The following MAST4 variants were observed in gnomAD, a reference collection of about 807,000 sequenced individuals.
MAST4 encodes the protein microtubule associated serine/threonine kinase family member 4.
In MAST4, 89 loss-of-function variants were observed where a neutral mutation model predicts 162.7. That is an observed-to-expected ratio of 0.55 (90% CI 0.46 to 0.65). The LOEUF is 0.65. MAST4 is among the 30% of genes least tolerant of loss of function. The pLI is 0.00. For missense variants in MAST4, 3,153 were observed against 3,374.0 expected (o/e 0.93, Z 1.62); for synonymous variants, 1,479 against 1,361.1 (o/e 1.09, Z -1.91).
chr5:66,868,583 TGTG>T (rs996966904), intron 3 of MAST4, among the ~76,000 whole-genome samples: 12 of 151,824 alleles, frequency 7.9e-5, no homozygotes, highest in Admixed American at 6.6e-4. Context: ...GAGAAAAACT[TGTG>T]GTGAGCTGTT....
At chr5:66,775,597 A>C (rs1754562004) in intron 2 of MAST4, among the ~76,000 whole-genome samples, 1 of 152,202 alleles carries the variant, frequency 6.6e-6, no homozygotes, top group South Asian at 2.1e-4. Flanking sequence ...TTTGTGAAGC[A>C]ATTGGCGGTT....
intron 2 of MAST4, among the ~76,000 whole-genome samples, chr5:66,766,272 GTTTT>G (rs576558624): frequency 6.6e-6 from 1 of 151,840 alleles, no homozygotes; most frequent in African/African-American, 2.4e-5. Flanking sequence ...AGAGAGTTGT[GTTTT>G]TTTTCCCCCC....
At chr5:67,014,543 T>G (rs1338078499) in intron 4 of MAST4, among the ~76,000 whole-genome samples, 2 of 152,238 alleles carry the variant, frequency 1.3e-5, no homozygotes, top group Non-Finnish European at 2.9e-5. Context: ...AGTTGCCGTA[T>G]TTTTACTGTG....
At chr5:67,002,409 G>T (rs1310151359) in intron 4 of MAST4, among the ~76,000 whole-genome samples, 1 of 152,180 alleles carries the variant, frequency 6.6e-6, no homozygotes, top group African/African-American at 2.4e-5. Context: ...AAACTGAGGA[G>T]CTGTCAGGTT....
chr5:66,663,083 C>G (rs5025303), intron 1 of MAST4: 42,751 of 152,132 alleles, frequency 0.28, 6,156 homozygotes, highest in African/African-American at 0.31. Flanking sequence ...TCAGGTGATC[C>G]ACCCGCCTTG....
intron 1 of MAST4, among the ~76,000 whole-genome samples, chr5:66,726,744 C>G (rs919753609): frequency 6.6e-6 from 1 of 152,066 alleles, no homozygotes; most frequent in Non-Finnish European, 1.5e-5. Flanking sequence ...TGCCTCCTGT[C>G]AGATCAGTGG....
intron 3 of MAST4, among the ~76,000 whole-genome samples, chr5:66,896,046 C>T (rs13188536): frequency 0.012 from 1,791 of 152,262 alleles, 29 homozygotes; most frequent in South Asian, 0.053. Flanking sequence ...CCACTAATGT[C>T]CTTTTTCTGA....
intron 1 of MAST4, among the ~76,000 whole-genome samples, chr5:66,606,009 C>G (rs780069293): frequency 7.2e-5 from 11 of 152,268 alleles, no homozygotes; most frequent in African/African-American, 2.4e-4. Context: ...AATTTTGTAA[C>G]CTGCTAAAAT....
chr5:67,090,558 C>G (rs900780156), intron 6 of MAST4, among the ~76,000 whole-genome samples: 2 of 147,756 alleles, frequency 1.4e-5, no homozygotes, highest in African/African-American at 5.1e-5. Context: ...CTTAGGCTGC[C>G]ACAAAGCTTT....
At chr5:66,861,327 C>T (rs1302575177) in intron 3 of MAST4, among the ~76,000 whole-genome samples, 2 of 152,212 alleles carry the variant, frequency 1.3e-5, no homozygotes, top group African/African-American at 4.8e-5. Context: ...TCAGCAGGTG[C>T]TGAGAGCCTT....
At chr5:66,926,575 T>TAC (rs1207722280) in intron 4 of MAST4, among the ~76,000 whole-genome samples, 15 of 151,408 alleles carry the variant, frequency 9.9e-5, no homozygotes, top group African/African-American at 1.5e-4. Flanking sequence ...TCTATATATA[T>TAC]ACACACACAC....
chr5:67,167,142 T>C lies in MAST4; in HGVS notation c.*91T>C. 3 of 1,183,578 alleles carry C rather than the reference T, an allele frequency of 2.5e-6. No homozygotes were observed. The allele number at this position is 1,183,578 out of a possible 1,614,324, so 73.3% of individuals were successfully genotyped here. ...TTTCAAAACCAGCACTGTGTGGGAA[T>C]GTCCGCCAGGCAGAGCTCGGAGCCT... On this transcript the variant is annotated 3_prime_UTR_variant, in exon 29 of 29. Transcript: ENST00000403625.
rs148920774 is a variant in MAST4 at position 66,732,938 on chromosome 5, T to C, written c.364-26771T>C. Among the ~76,000 whole-genome samples, 207 of 152,306 alleles carry C rather than the reference T, an allele frequency of 1.4e-3. 1 individual carries two copies. Among genetic ancestry groups the C allele is most frequent in the African/African-American group, 4.8e-3 (201 of 41,564 alleles). ...AAGATATGAGAATTATTTTTTCTGG[T>C]CCAATTTGAAAGTCCTGCTGTTTTT... On this transcript the variant is annotated intron_variant, in intron 1 of 28. Transcript: ENST00000403625.
At chr5:66,787,268 C>G (rs912811583) in intron 2 of MAST4, among the ~76,000 whole-genome samples, 2 of 152,214 alleles carry the variant, frequency 1.3e-5, no homozygotes, top group African/African-American at 4.8e-5. Context: ...GAGAGATTGA[C>G]TAACTTTCCC....
At chr5:66,700,142 G>A (rs552178014) in intron 1 of MAST4, among the ~76,000 whole-genome samples, 2 of 152,194 alleles carry the variant, frequency 1.3e-5, no homozygotes, top group African/African-American at 4.8e-5. Flanking sequence ...AGGGTGTTAT[G>A]GCCAAAATGG....
intron 4 of MAST4, among the ~76,000 whole-genome samples, chr5:66,944,584 T>C (rs1178474505): frequency 6.6e-6 from 1 of 152,178 alleles, no homozygotes; most frequent in Non-Finnish European, 1.5e-5. Flanking sequence ...TTCTAATATG[T>C]ACTTTGTATT....
chr5:66,827,546 TGACA>T (rs965729911), intron 3 of MAST4, among the ~76,000 whole-genome samples: 8 of 152,218 alleles, frequency 5.3e-5, no homozygotes, highest in African/African-American at 9.6e-5. Flanking sequence ...ATTAGTGTGT[TGACA>T]GACAGAAAGA....
rs201578034 is a variant in MAST4, at chr5:67,102,552, G to A, written c.1087G>A (p.Ala363Thr). The A allele has an allele frequency of 1.6e-4, 259 of 1,613,856 alleles. No individual in the cohort carries two copies. The highest frequency in any genetic ancestry group is 2.2e-4 in the East Asian group (10 of 44,884). Residue 363 changes from alanine to threonine, a missense_variant, in exon 9 of 29, where the codon GCC becomes ACC. Coordinates refer to ENST00000403625, the MANE Select transcript of MAST4 (RefSeq NM_001164664.2). ...SRSLSPGRSP[A>T]CCDHEIIMMN... ...TGCTTGCAGCCCTGGACGTTCTCCC[G>A]CCTGCTGTGACCATGAAATAATTAT...
intron 4 of MAST4, among the ~76,000 whole-genome samples, chr5:66,990,922 G>T (rs930251218): frequency 9.1e-6 from 1 of 109,870 alleles, no homozygotes; most frequent in Non-Finnish European, 1.9e-5. Context: ...TATTCCCTAT[G>T]AAAGGCTGAT....
Sources: gnomAD v4.1 joint callset for allele counts (sites outside exome capture counted in the v4.1 genomes callset) on GRCh38, gnomAD v4.1.1 for gene constraint, MANE v1.5 for transcripts, NCBI Gene and HGNC (gene_info 2026-07-23, HGNC 2026-07-21) for gene names.